TGFBR3: variants seen among roughly 807,000 people sequenced by gnomAD.
The protein encoded by TGFBR3 is transforming growth factor beta receptor 3.
A neutral mutation model predicts 87.9 loss-of-function variants in TGFBR3; 46 were observed. The observed-to-expected ratio is 0.52, with a 90% confidence interval of 0.41 to 0.67. The LOEUF (loss-of-function observed/expected upper bound fraction) is 0.67. Among genes scored for constraint, TGFBR3 ranks in the 30% least tolerant of loss-of-function variants. TGFBR3 has a pLI of 0.00. For missense variants in TGFBR3, 866 were observed against 1,041.9 expected (o/e 0.83, Z 2.32); for synonymous variants, 381 against 391.6 (o/e 0.97, Z 0.32).
chr1:91,829,965 A>G (rs1407137726), intron 2 of TGFBR3: 1 of 152,196 alleles, frequency 6.6e-6, no homozygotes, highest in Non-Finnish European at 1.5e-5. Context: ...AACTTAGTGC[A>G]GACACCTGAT....
chr1:91,690,354 T>A (rs1671224597), intron 16 of TGFBR3, among the ~76,000 whole-genome samples: 1 of 152,060 alleles, frequency 6.6e-6, no homozygotes, highest in Non-Finnish European at 1.5e-5. Flanking sequence ...CCAGAAATGA[T>A]CAACACCAGG....
intron 14 of TGFBR3, among the ~76,000 whole-genome samples, chr1:91,698,996 T>A (rs1481514481): frequency 6.6e-5 from 10 of 150,968 alleles, no homozygotes; most frequent in Admixed American, 6.6e-4. Flanking sequence ...AGAGTGAATA[T>A]TCTAGAGCCC....
intron 8 of TGFBR3, 21 bp downstream of exon 8, chr1:91,721,934 C>T (rs1557676474): frequency 6.2e-7 from 1 of 1,609,158 alleles, no homozygotes; most frequent in Non-Finnish European, 8.5e-7. Context: ...TTTTACATAA[C>T]TTAAAAAACT....
At chr1:91,812,525 A>G (rs1287441722) in intron 2 of TGFBR3, among the ~76,000 whole-genome samples, 2 of 152,242 alleles carry the variant, frequency 1.3e-5, no homozygotes, top group Non-Finnish European at 2.9e-5. Context: ...TAGGGCTGCC[A>G]TTATGAATAC....
Position 91,797,468 on chromosome 1 carries a change from G to A in TGFBR3, c.65C>T (p.Pro22Leu), listed in dbSNP as rs543589826. Reference sequence around the variant, plus strand: ...CAGTTCACACAGTGCACCAGGCTCTGGACCTGCCAAGGGAATCACAAACAC... The same window carrying A: ...CAGTTCACACAGTGCACCAGGCTCTAGACCTGCCAAGGGAATCACAAACAC... ...LMSSCLATAGPEPGALCELSP... is the reference protein window; with the variant it reads ...LMSSCLATAGLEPGALCELSP... The change falls in exon 3 of 17, where the codon CCA (proline) becomes CTA (leucine). Residue 22 changes from proline to leucine, a missense_variant. Physicochemically the swap from Pro to Leu is moderately conservative, Grantham distance 98. Transcript: ENST00000212355. 3 of 1,614,204 alleles carry A rather than the reference G, an allele frequency of 1.9e-6. No individual in the cohort carries two copies. Among genetic ancestry groups the A allele is most frequent in the East Asian group, 2.2e-5 (1 of 44,878 alleles).
In TGFBR3 at chr1:91,860,791, G is replaced by T. The variant is rs17881014; in HGVS notation, c.61+680C>A. ...TATTAAAAATACAAATATTATCCACGTGTAGTGGCAGGCATCTGCAGTCCC... is the reference window on the plus strand; with the variant it reads ...TATTAAAAATACAAATATTATCCACTTGTAGTGGCAGGCATCTGCAGTCCC... On this transcript the variant is annotated intron_variant, in intron 2 of 16. Transcript: ENST00000212355. Among the ~76,000 whole-genome samples the T allele has an allele frequency of 2.0e-5, 3 of 151,908 alleles. No homozygotes were observed. The South Asian group carries it at 6.3e-4, about 32-fold the overall frequency.
intron 15 of TGFBR3, 54 bp from the exon 16 acceptor site, chr1:91,695,833 A>G (rs1671419994): frequency 2.2e-6 from 3 of 1,388,834 alleles, no homozygotes; most frequent in Non-Finnish European, 3.1e-6. Context: ...TGCATCATGC[A>G]TTGCAATTTT....
At position 91,856,366 on chromosome 1, in the gene TGFBR3, G is replaced by A. The variant is rs184986081; in HGVS notation, c.61+5105C>T. Among the ~76,000 whole-genome samples the A allele has an allele frequency of 2.2e-3, 341 of 152,156 alleles. 2 individuals carry two copies. Among genetic ancestry groups the A allele is most frequent in the Non-Finnish European group, 1.7e-3 (117 of 67,982 alleles). On this transcript the variant is annotated intron_variant, in intron 2 of 16. Coordinates refer to ENST00000212355, the MANE Select transcript of TGFBR3 (RefSeq NM_003243.5). ...CAGGCGTGAGCCACCACGCCCAGCC[G>A]AAAGCATGAGTTTTGTCAGAACAAC...
At chr1:91,836,078 T>C (rs899657214) in intron 2 of TGFBR3, among the ~76,000 whole-genome samples, 2 of 151,404 alleles carry the variant, frequency 1.3e-5, no homozygotes, top group Non-Finnish European at 2.9e-5. Flanking sequence ...AGAAACCCTA[T>C]CTCTACTAAA....
chr1:91,717,942 C>T (rs553357044), intron 10 of TGFBR3, among the ~76,000 whole-genome samples: 1 of 151,690 alleles, frequency 6.6e-6, no homozygotes, highest in Admixed American at 6.6e-5. Context: ...AACTTGGACC[C>T]CAGTTTTAAA....
chr1:91,683,969 C>T, intron 16 of TGFBR3, 112 bp from the exon 17 acceptor site: 1 of 1,018,776 alleles, frequency 9.8e-7, no homozygotes, highest in South Asian at 1.4e-5. Flanking sequence ...TTTTTCTCAA[C>T]CAGGGCAGAA....
chr1:91,707,585 C>G (rs747302708), intron 14 of TGFBR3, among the ~76,000 whole-genome samples: 1 of 152,206 alleles, frequency 6.6e-6, no homozygotes, highest in African/African-American at 2.4e-5. Context: ...TACCCTGAAA[C>G]TGGAGCCAGA....
intron 3 of TGFBR3, among the ~76,000 whole-genome samples, chr1:91,782,547 C>T (rs1002858971): frequency 6.6e-6 from 1 of 152,222 alleles, no homozygotes; most frequent in South Asian, 2.1e-4. Context: ...AGAGGAGGAG[C>T]AGAGGAATGT....
At chr1:91,804,736 T>C (rs1160929587) in intron 2 of TGFBR3, among the ~76,000 whole-genome samples, 1 of 152,236 alleles carries the variant, frequency 6.6e-6, no homozygotes, top group African/African-American at 2.4e-5. Flanking sequence ...CTGCTCACTT[T>C]TGTGGTGACC....
At chr1:91,717,469 T>G (rs1243418390) in intron 10 of TGFBR3, among the ~76,000 whole-genome samples, 1 of 152,188 alleles carries the variant, frequency 6.6e-6, no homozygotes, top group Non-Finnish European at 1.5e-5. Flanking sequence ...TGACATAGGT[T>G]GAAATTATGA....
At chr1:91,735,089 C>A in intron 4 of TGFBR3, 130 bp from the exon 5 acceptor site, 1 of 1,081,204 alleles carries the variant, frequency 9.2e-7, no homozygotes, top group South Asian at 1.3e-5. Context: ...AGCAGATCAG[C>A]GTTTTTAAGC....
At chr1:91,801,099 A>AGAG (rs1553168449) in intron 2 of TGFBR3, 3,127 of 175,008 alleles carry the variant, frequency 0.018, 124 homozygotes, top group African/African-American at 0.081. Flanking sequence ...AAAAAAAAAA[A>AGAG]AGAGAGAGAG....
chr1:91,847,475 T>C (rs1017467732), intron 2 of TGFBR3, among the ~76,000 whole-genome samples: 1 of 149,422 alleles, frequency 6.7e-6, no homozygotes, highest in Non-Finnish European at 1.5e-5. Flanking sequence ...TGGTAGTGCA[T>C]GCCTGTAATC....
At chr1:91,875,022 C>A (rs533170458) in intron 1 of TGFBR3, among the ~76,000 whole-genome samples, 21 of 152,194 alleles carry the variant, frequency 1.4e-4, no homozygotes, top group Middle Eastern at 6.8e-3. Context: ...TAATTTATAT[C>A]AACTGTAAGC....
Sources: allele counts gnomAD v4.1 joint callset (sites outside exome capture counted in the v4.1 genomes callset), GRCh38; gene constraint gnomAD v4.1.1; transcripts MANE v1.5; gene names NCBI Gene and HGNC (gene_info 2026-07-23, HGNC 2026-07-21).